The following KMT2D variants were observed in gnomAD, a reference collection of about 807,000 sequenced individuals.
KMT2D encodes the protein lysine methyltransferase 2D.
In KMT2D, 55 loss-of-function variants were observed where a neutral mutation model predicts 512.7. The observed-to-expected ratio is 0.11, with a 90% CI of 0.09 to 0.13. The LOEUF (loss-of-function observed/expected upper bound fraction) is 0.13, where lower values mean the gene tolerates loss of function less well. Among genes scored for constraint, KMT2D ranks in the 10% least tolerant of loss-of-function variants. The pLI is 1.00. For synonymous variants in KMT2D, 2,995 were observed against 2,904.0 expected (o/e 1.03, Z -1.01); for missense variants, 6,061 against 7,127.9 (o/e 0.85, Z 5.39).
In KMT2D at chr12:49,032,090, C is replaced by G; in HGVS notation, c.12615G>C (p.Leu4205=). The stretch of plus-strand genomic sequence containing the variant: ...AGTGCCGCAGCTGTGGGTTTTTGGC[C>G]AGGACTCCTTGGAGCTGTGCTCGAA... The part of the protein sequence containing the change: ...GQLRAQLQGV[L]AKNPQLRHLS... The change falls in exon 40 of 55, where the codon CTG becomes CTC. Residue 4205 remains leucine, a synonymous_variant. Transcript: ENST00000301067. 1 of 1,613,858 alleles carries G rather than the reference C, an allele frequency of 6.2e-7. No individual in the cohort carries two copies. The highest frequency in any genetic ancestry group is 8.5e-7 in the Non-Finnish European group (1 of 1,179,838).
Position 49,051,361 on chromosome 12 carries a change from A to G in KMT2D, c.2322T>C (p.Pro774=), listed in dbSNP as rs1390699139. ...GCACAGCGCATAGGCATGGCTCCTC[A>G]GGCTGGGGGGACAGGTGTGGCTCCT... ...QAEEPHLSPQ[P]EEPCLCAVPE... The change falls in exon 11 of 55, where the codon CCT becomes CCC. Residue 774 remains proline (P), a synonymous_variant. Coordinates refer to ENST00000301067, the MANE Select transcript of KMT2D (RefSeq NM_003482.4). 5 of 1,608,024 alleles carry G rather than the reference A, an allele frequency of 3.1e-6. No homozygotes were observed. Among genetic ancestry groups the G allele is most frequent in the Non-Finnish European group, 4.2e-6 (5 of 1,177,136 alleles).
intron 40 of KMT2D, 64 bp from the exon 41 acceptor site, chr12:49,031,097 T>C: frequency 6.3e-7 from 1 of 1,594,166 alleles, no homozygotes; most frequent in Non-Finnish European, 8.6e-7. Flanking sequence ...CTCTTCTGTC[T>C]GACCCAGGCT....
intron 2 of KMT2D, 69 bp from the exon 3 acceptor site, chr12:49,055,095 G>C (rs918597814): frequency 4.4e-5 from 71 of 1,596,718 alleles, no homozygotes; most frequent in Non-Finnish European, 5.7e-5. Context: ...CTCACCAGAC[G>C]CATGAGATTA....
At position 49,046,280 on chromosome 12, in the gene KMT2D, G is replaced by A. The variant is rs1167818305; in HGVS notation, c.4563C>T (p.Ile1521=). Residue 1521 remains isoleucine, a synonymous_variant, in exon 17 of 55, where the codon ATC becomes ATT. Transcript: ENST00000301067. This position sits in a 1 kb window ranked among gnomAD's most constrained non-coding sequence, Gnocchi z 4.2. ...CTCACCGTTCACAGTGGCGGCACTG[G>A]ATTAGTAGGTCCTCTTCTACGTAAG... is the stretch of plus-strand genomic sequence containing the variant. ...HAPYVEEDLL[I]QCRHCERWMH... 3 of 1,614,012 alleles carry A rather than the reference G, an allele frequency of 1.9e-6. No homozygotes were observed. Among genetic ancestry groups the A allele is most frequent in the South Asian group, 2.2e-5 (2 of 91,088 alleles).
intron 35 of KMT2D, 35 bp downstream of exon 35, chr12:49,037,090 C>T (rs1307142306): frequency 6.5e-7 from 1 of 1,534,636 alleles, no homozygotes; most frequent in Non-Finnish European, 8.8e-7. Flanking sequence ...AATAATCACC[C>T]TGAGTAACTT....
rs971170451 is a variant in KMT2D, at chr12:49,026,199, G to C, written c.15767C>G (p.Thr5256Ser). The change falls in exon 49 of 55, where the codon ACT becomes AGT. Residue 5256 changes from threonine (T) to serine (S), a missense_variant. By Grantham distance (58) the Thr-to-Ser change is moderately conservative. Transcript: ENST00000301067. This position sits in a 1 kb window ranked among gnomAD's most constrained non-coding sequence, Gnocchi z 9.6. Reference sequence around the variant, plus strand: ...CTGCTCACCCTGGGGAGAGGCGTCAGTGAAGACCAGGTCCTCCAGGCCCTG... The same window carrying C: ...CTGCTCACCCTGGGGAGAGGCGTCACTGAAGACCAGGTCCTCCAGGCCCTG... Reference protein sequence around the residue: ...IEQGLEDLVFTDASPQAVWNR... With the variant: ...IEQGLEDLVFSDASPQAVWNR... The C allele has an allele frequency of 1.6e-5, 26 of 1,588,640 alleles. No individual in the cohort carries two copies. The highest frequency in any genetic ancestry group is 2.0e-5 in the Non-Finnish European group (23 of 1,162,086).
At position 49,031,033 on chromosome 12, in the gene KMT2D, C is replaced by G. The variant is rs2120413967; in HGVS notation, c.13531G>C (p.Asp4511His). Residue 4511 changes from aspartate (D) to histidine (H), a missense_variant and splice_region_variant, in exon 41 of 55, where the codon GAT becomes CAT. By Grantham distance (81) the Asp-to-His change is moderately conservative. Coordinates refer to ENST00000301067, the MANE Select transcript of KMT2D (RefSeq NM_003482.4). ...GTCAAAGGCTTCCTTGCTGCTGCATCCTAAGCCAAATAAGCCCATTGAAGG... is the reference window on the plus strand; with the variant it reads ...GTCAAAGGCTTCCTTGCTGCTGCATGCTAAGCCAAATAAGCCCATTGAAGG... ...KLQGTPSNKE[D>H]AAARKPLTPK... is the part of the protein sequence containing the mutation. 7 of 1,613,832 alleles carry G rather than the reference C, an allele frequency of 4.3e-6. No individual in the cohort carries two copies. The highest frequency in any genetic ancestry group is 5.9e-6 in the Non-Finnish European group (7 of 1,179,876).
chr12:49,033,625 C>T lies in KMT2D; in HGVS notation c.11080G>A (p.Gly3694Ser), dbSNP rs751558457. The T allele has an allele frequency of 2.5e-6, 4 of 1,613,698 alleles. No individual in the cohort carries two copies. ...QHSGGAGSLA[G>S]PSGGFFPGNL... ...CCAGGGAAGAAGCCCCCTGAAGGGCCAGCCAGGGATCCAGCCCCACCAGAA... is the reference window on the plus strand; with the variant it reads ...CCAGGGAAGAAGCCCCCTGAAGGGCTAGCCAGGGATCCAGCCCCACCAGAA... Residue 3694 changes from glycine to serine, a missense_variant, in exon 40 of 55, where the codon GGC (glycine) becomes AGC (serine). This residue lies in a region of KMT2D where 1,600 missense variants were observed against 1,754.9 expected (regional missense o/e 0.91). Transcript: ENST00000301067.
At position 49,034,118 on chromosome 12, in the gene KMT2D, C is replaced by T. The variant is rs2120452056; in HGVS notation, c.10689G>A (p.Lys3563=). The change falls in exon 39 of 55, where the codon AAG becomes AAA. Residue 3563 remains lysine (K), a synonymous_variant. Transcript: ENST00000301067. ...TCTGCTGCTCTGTAACCAGCTTGAG[C>T]TTCTCAGCATCAGCTTCTGGGAACT... ...GREFPEADAE[K]LKLVTEQQSK... 4 of 1,613,100 alleles carry T rather than the reference C, an allele frequency of 2.5e-6. No individual in the cohort carries two copies. The highest frequency in any genetic ancestry group is 3.4e-6 in the Non-Finnish European group (4 of 1,179,880).
At position 49,033,737 on chromosome 12, in the gene KMT2D, G is replaced by T; in HGVS notation, c.10968C>A (p.Arg3656=). ...GTAGTGCCATACCCCCAGGGGTCAG[G>T]CGAAGACCTCCGGCTTGCCCACCCG... is the stretch of plus-strand genomic sequence containing the variant. The part of the protein sequence containing the change: ...GPPGGQAGGL[R]LTPGGMALPG... The change falls in exon 40 of 55, where the codon CGC becomes CGA. Residue 3656 remains arginine, a synonymous_variant. Coordinates refer to ENST00000301067, the MANE Select transcript of KMT2D (RefSeq NM_003482.4). 1 of 1,613,444 alleles carries T rather than the reference G, an allele frequency of 6.2e-7. No homozygotes were observed.
chr12:49,051,517 C>G lies in KMT2D; in HGVS notation c.2166G>C (p.Glu722Asp), dbSNP rs2120671219. The G allele has an allele frequency of 1.2e-6, 2 of 1,613,622 alleles. No homozygotes were observed. The highest frequency in any genetic ancestry group is 1.7e-6 in the Non-Finnish European group (2 of 1,179,702). Reference protein sequence around the residue: ...EDSLMSLPLEESPLLPLPEEP... With the variant: ...EDSLMSLPLEDSPLLPLPEEP... Reference sequence around the variant, plus strand: ...CCTCAGGTAGTGGCAACAGGGGTGACTCCTCCAGCGGCAGGGACATGAGCG... The same window carrying G: ...CCTCAGGTAGTGGCAACAGGGGTGAGTCCTCCAGCGGCAGGGACATGAGCG... Residue 722 changes from glutamate to aspartate, a missense_variant, in exon 11 of 55, where the codon GAG becomes GAC. Physicochemically the swap from Glu to Asp is conservative, Grantham distance 45. This residue lies in a region of KMT2D where 848 missense variants were observed against 838.5 expected (regional missense o/e 1.01). Coordinates refer to ENST00000301067, the MANE Select transcript of KMT2D (RefSeq NM_003482.4).
At chr12:49,029,736 G>T (rs876333) in intron 43 of KMT2D, among the ~76,000 whole-genome samples, 1 of 146,874 alleles carries the variant, frequency 6.8e-6, no homozygotes, top group Non-Finnish European at 1.5e-5. Context: ...AGCTGGTCTC[G>T]AACTCCTGGC....
chr12:49,052,424 C>A lies in KMT2D; in HGVS notation c.1259G>T (p.Gly420Val), dbSNP rs1320202062. 1.3e-6 allele frequency: 2 copies of A among 1,540,926 alleles called. No homozygotes were observed. Among genetic ancestry groups the A allele is most frequent in the Non-Finnish European group, 1.7e-6 (2 of 1,143,254 alleles). The change falls in exon 11 of 55, where the codon GGG becomes GTG. Residue 420 changes from glycine (G) to valine (V), a missense_variant and splice_region_variant. Physicochemically the swap from Gly to Val is moderately radical, Grantham distance 109. Transcript: ENST00000301067. ...GGGCTCAAGTTGGACCCCTGCTTTC[C>A]CTGCAGACACAACAACACGATGCTC... Reference protein sequence around the residue: ...GPLQCEAKPLGKAGVQLEPQL... With the variant: ...GPLQCEAKPLVKAGVQLEPQL...
In KMT2D at chr12:49,054,441, AGAAAG is replaced by A. The variant is rs772096372; in HGVS notation, c.401-30_401-26del. The A allele has an allele frequency of 6.4e-6, 10 of 1,568,998 alleles. No homozygotes were observed. The African/African-American group carries it at 1.4e-4, about 21-fold the overall frequency. On this transcript the variant is annotated intron_variant, in intron 4 of 54. Transcript: ENST00000301067. The surrounding 1 kb of genome is among the most constrained non-coding windows in gnomAD (Gnocchi z 6.4). ...CCTTTACAGGTGGGAAGAGGTAAAG[AGAAAG>A]GAAAGAATTAACAAAAAGAGGATTG... is the stretch of plus-strand genomic sequence containing the variant.
rs727503983 is a variant in KMT2D at position 49,038,868 on chromosome 12, G to T, written c.8488C>A (p.Arg2830=). Residue 2830 remains arginine (R), a synonymous_variant, in exon 35 of 55, where the codon CGA becomes AGA. Transcript: ENST00000301067. The surrounding 1 kb of genome is among the most constrained non-coding windows in gnomAD (Gnocchi z 5.7). ...QQQATAATSM[R]FAMSARFPST... ...GGAAAGCGAGCTGACATGGCAAATC[G>T]CATGGAGGTTGCTGCTGTTGCCTGT... is the stretch of plus-strand genomic sequence containing the variant. 1 of 1,552,182 alleles carries T rather than the reference G, an allele frequency of 6.4e-7. No homozygotes were observed. The highest frequency in any genetic ancestry group is 8.7e-7 in the Non-Finnish European group (1 of 1,147,290).
In KMT2D at chr12:49,051,958, T is replaced by G; in HGVS notation, c.1725A>C (p.Pro575=). ...PPPEASRLSP[P]PEESPMSPPP... Reference sequence around the variant, plus strand: ...GAGGGGACATGGGTGACTCCTCAGGTGGTGGAGACAGGCGAGATGCTTCAG... The same window carrying G: ...GAGGGGACATGGGTGACTCCTCAGGGGGTGGAGACAGGCGAGATGCTTCAG... Residue 575 remains proline, a synonymous_variant, in exon 11 of 55, where the codon CCA becomes CCC. Transcript: ENST00000301067. 6.2e-7 allele frequency: 1 copy of G among 1,611,376 alleles called. No homozygotes were observed. Among genetic ancestry groups the G allele is most frequent in the Non-Finnish European group, 8.5e-7 (1 of 1,179,108 alleles).
At chr12:49,053,710 A>G in intron 6 of KMT2D, 69 bp from the exon 7 acceptor site, 2 of 1,482,924 alleles carry the variant, frequency 1.3e-6, no homozygotes, top group Non-Finnish European at 1.8e-6. Context: ...TGCTGTACAC[A>G]AAACAGGCAC....
In KMT2D at chr12:49,026,858, A is replaced by C. The variant is rs1438514643; in HGVS notation, c.15108T>G (p.His5036Gln). 6.2e-7 allele frequency: 1 copy of C among 1,613,922 alleles called. No homozygotes were observed. ...CATCAGTGGCCCCGTCACCCTCCTCATGACAGAAACAGCAGCGACGCATGT... is the reference window on the plus strand; with the variant it reads ...CATCAGTGGCCCCGTCACCCTCCTCCTGACAGAAACAGCAGCGACGCATGT... ...PRDMRRCCFC[H>Q]EEGDGATDGP... The change falls in exon 49 of 55, where the codon CAT (histidine) becomes CAG (glutamine). Residue 5036 changes from histidine to glutamine, a missense_variant. Around this residue, in one of 16 missense-constraint regions of KMT2D, gnomAD observed 1,600 missense variants for 1,754.9 expected, o/e 0.91. Coordinates refer to ENST00000301067, the MANE Select transcript of KMT2D (RefSeq NM_003482.4). The surrounding 1 kb of genome is among the most constrained non-coding windows in gnomAD (Gnocchi z 9.6).
At position 49,041,101 on chromosome 12, in the gene KMT2D, T is replaced by C. The variant is rs768256072; in HGVS notation, c.6669A>G (p.Pro2223=). Residue 2223 remains proline (P), a synonymous_variant, in exon 32 of 55, where the codon CCA becomes CCG. Coordinates refer to ENST00000301067, the MANE Select transcript of KMT2D (RefSeq NM_003482.4). This position sits in a 1 kb window ranked among gnomAD's most constrained non-coding sequence, Gnocchi z 5.4. ...CAGGTGGGGTAGTGTGGAATTCCCC[T>C]GGCTGGCCAGCCCCAGGACGAGATG... ...GASSRPGAGQ[P]GEFHTTPPGT... 3.9e-6 allele frequency: 6 copies of C among 1,531,502 alleles called. No homozygotes were observed. The South Asian group carries it at 3.9e-5, about 10-fold the overall frequency. The allele number at this position is 1,531,502 out of a possible 1,614,324, so 94.9% of individuals were successfully genotyped here. A position where few individuals can be genotyped will look rare whatever the true frequency, so the allele number is the denominator to read the frequency against.
Sources: allele counts gnomAD v4.1 joint callset (sites outside exome capture counted in the v4.1 genomes callset), GRCh38; gene constraint gnomAD v4.1.1; regional missense constraint gnomAD v4.1.1; non-coding constraint Gnocchi (gnomAD v3.1); transcripts MANE v1.5; gene names NCBI Gene and HGNC (gene_info 2026-07-23, HGNC 2026-07-21).